The following BAZ2B variants were observed in gnomAD, a reference collection of about 807,000 sequenced individuals.
BAZ2B encodes bromodomain adjacent to zinc finger domain 2B.
In BAZ2B, 91 loss-of-function variants were observed where a neutral mutation model predicts 246.0. That is an observed-to-expected ratio of 0.37 (90% CI 0.31 to 0.44). BAZ2B has a LOEUF of 0.44. Ranked by LOEUF, BAZ2B falls within the 20% of genes least tolerant of loss-of-function variation. BAZ2B has a pLI of 1.00. For missense variants in BAZ2B, 2,332 were observed against 2,533.7 expected, an observed-to-expected ratio of 0.92 and a Z score of 1.71; for synonymous variants, 855 against 860.0, an observed-to-expected ratio of 0.99 and a Z score of 0.10.
chr2:159,663,268 C>T, the BAZ2B span, among the ~76,000 whole-genome samples: 1 of 148,350 alleles, frequency 6.7e-6, no homozygotes, highest in African/African-American at 2.5e-5. Context: ...GTGGCATGAT[C>T]TCAGCTCACT....
At chr2:159,674,977 C>T in the BAZ2B span, among the ~76,000 whole-genome samples, 18 of 152,136 alleles carry the variant, frequency 1.2e-4, no homozygotes, top group African/African-American at 2.7e-4. Context: ...TTGTATTTGT[C>T]GCAGCATTAA....
At chr2:159,437,561 CA>C (rs1302046112) in intron 8 of BAZ2B, 4 of 152,044 alleles carry the variant, frequency 2.6e-5, no homozygotes, top group African/African-American at 9.7e-5. Context: ...AGGGTTTTTA[CA>C]CTTAAAATGT....
At chr2:159,585,971 C>CAAA (rs1687929443) in intron 1 of BAZ2B, among the ~76,000 whole-genome samples, 1 of 152,150 alleles carries the variant, frequency 6.6e-6, no homozygotes, top group East Asian at 1.9e-4. Flanking sequence ...AAATTTTTGG[C>CAAA]AAAAGTCACC....
At chr2:159,366,972 C>G (rs777405713) in intron 27 of BAZ2B, among the ~76,000 whole-genome samples, 1 of 151,420 alleles carries the variant, frequency 6.6e-6, no homozygotes, top group Non-Finnish European at 1.5e-5. Flanking sequence ...CATGGGGGCT[C>G]TCTTCCTTCT....
At chr2:159,336,556 T>A (rs1369700689) in intron 33 of BAZ2B, among the ~76,000 whole-genome samples, 2 of 152,174 alleles carry the variant, frequency 1.3e-5, no homozygotes, top group Non-Finnish European at 2.9e-5. Context: ...AATTAAAAAA[T>A]GAAAACTGAT....
chr2:159,409,824 G>A (rs563250962), intron 14 of BAZ2B, among the ~76,000 whole-genome samples: 290 of 152,172 alleles, frequency 1.9e-3, no homozygotes, highest in Middle Eastern at 3.4e-3. Flanking sequence ...TGTTGAGAAA[G>A]AGTACATGTA....
rs2058292808 is a variant in BAZ2B at position 159,349,167 on chromosome 2, C to A, written c.4977G>T (p.Gly1659=). Residue 1659 remains glycine (G), a synonymous_variant, in exon 29 of 37, where the codon GGG becomes GGT. Coordinates refer to ENST00000392783, the MANE Select transcript of BAZ2B (RefSeq NM_013450.4). ...ATGAATTACCATTTCCTTCTGATAA[C>A]CCTAACCCCGATCCTAGACTAGGTA... is the stretch of plus-strand genomic sequence containing the variant. ...SSVPSLGSGL[G]LSEGNGNSFL... The A allele has an allele frequency of 1.2e-6, 2 of 1,614,034 alleles. No individual in the cohort carries two copies. The highest frequency in any genetic ancestry group is 1.7e-6 in the Non-Finnish European group (2 of 1,179,976).
intron 2 of BAZ2B, among the ~76,000 whole-genome samples, chr2:159,549,735 A>G (rs954918825): frequency 1.3e-5 from 2 of 151,546 alleles, no homozygotes; most frequent in South Asian, 4.2e-4. Flanking sequence ...GACTTAAACC[A>G]TGGAGACAGT....
chr2:159,389,303 T>C (rs765368637), intron 21 of BAZ2B, 42 bp downstream of exon 21: 22 of 1,514,138 alleles, frequency 1.5e-5, no homozygotes, highest in Middle Eastern at 1.8e-4. Flanking sequence ...ACTGGAAAAA[T>C]TAAACTTATG....
chr2:159,368,542 T>G (rs1362211130), intron 27 of BAZ2B, among the ~76,000 whole-genome samples: 3 of 152,182 alleles, frequency 2.0e-5, no homozygotes, highest in Non-Finnish European at 4.4e-5. Context: ...ATTATTTCAT[T>G]AATGTCTATT....
intron 27 of BAZ2B, among the ~76,000 whole-genome samples, chr2:159,362,240 C>G (rs7559654): frequency 1.3e-5 from 2 of 151,876 alleles, no homozygotes; most frequent in Non-Finnish European, 1.5e-5. Context: ...GAGGCAGCAG[C>G]AGGTCAGAAG....
At chr2:159,431,777 C>T (rs1050860340) in intron 9 of BAZ2B, among the ~76,000 whole-genome samples, 1 of 152,154 alleles carries the variant, frequency 6.6e-6, no homozygotes, top group Non-Finnish European at 1.5e-5. Flanking sequence ...CATTCCTCTA[C>T]ATATGTAAAA....
chr2:159,690,941 T>A, the BAZ2B span, among the ~76,000 whole-genome samples: 3 of 152,206 alleles, frequency 2.0e-5, no homozygotes, highest in Non-Finnish European at 2.9e-5. Flanking sequence ...AATTACTAGA[T>A]ATCCTTGCCT....
chr2:159,438,136 T>C (rs2072750109), intron 8 of BAZ2B, 167 bp downstream of exon 8: 6 of 656,762 alleles, frequency 9.1e-6, no homozygotes, highest in Admixed American at 3.1e-5. Context: ...TATATGAATA[T>C]AAAATCAGAG....
chr2:159,399,030 T>A (rs1254773406), intron 17 of BAZ2B, 136 bp from the exon 18 acceptor site: 2 of 629,760 alleles, frequency 3.2e-6, no homozygotes, highest in Admixed American at 3.7e-5. Context: ...AATTACAGAT[T>A]TCCCCCCAGT....
At chr2:159,689,653 T>G in the BAZ2B span, 6 of 307,564 alleles carry the variant, frequency 2.0e-5, no homozygotes, top group Non-Finnish European at 3.6e-5. Flanking sequence ...ATTAGAGGCA[T>G]GAGCCACTGT....
intron 1 of BAZ2B, among the ~76,000 whole-genome samples, chr2:159,594,086 C>G (rs1296497721): frequency 2.6e-5 from 4 of 152,156 alleles, no homozygotes; most frequent in Non-Finnish European, 5.9e-5. Context: ...CACTGAACTT[C>G]TAATATTCTG....
chr2:159,559,295 CA>C (rs574779076), intron 1 of BAZ2B, among the ~76,000 whole-genome samples: 6 of 151,698 alleles, frequency 4.0e-5, no homozygotes, highest in African/African-American at 1.4e-4. Flanking sequence ...TCTCTGTATC[CA>C]AAAAACTGCT....
intron 18 of BAZ2B, chr2:159,398,161 T>C (rs1317877261): frequency 6.6e-6 from 1 of 151,910 alleles, no homozygotes; most frequent in Non-Finnish European, 1.5e-5. Flanking sequence ...CCAGTACCAG[T>C]AGGCTCACCC....
Sources: gnomAD v4.1 joint callset for allele counts (sites outside exome capture counted in the v4.1 genomes callset) on GRCh38, gnomAD v4.1.1 for gene constraint, MANE v1.5 for transcripts, NCBI Gene and HGNC (gene_info 2026-07-23, HGNC 2026-07-21) for gene names.